The following CLSTN2 variants were observed in gnomAD, a reference collection of about 807,000 sequenced individuals.
CLSTN2 encodes calsyntenin-2.
In CLSTN2, 48 loss-of-function variants were observed where a neutral mutation model predicts 101.2. The ratio of observed to expected loss-of-function variants is 0.47; its 90% confidence interval spans 0.38 to 0.60. CLSTN2 has a LOEUF of 0.60. CLSTN2 is among the 20% of genes least tolerant of loss of function. The probability of loss-of-function intolerance (pLI) is 0.00; values close to 1 mark genes in which losing one functional copy is unlikely to be tolerated. For missense variants in CLSTN2, 1,160 were observed against 1,238.2 expected, an observed-to-expected ratio of 0.94 and a Z score of 0.95; for synonymous variants, 481 against 463.6, an observed-to-expected ratio of 1.04 and a Z score of -0.48.
intron 2 of CLSTN2, among the ~76,000 whole-genome samples, chr3:140,290,386 G>A (rs1311390177): frequency 6.6e-6 from 1 of 152,132 alleles, no homozygotes; most frequent in East Asian, 1.9e-4. Flanking sequence ...ATAGTAGGAG[G>A]AGCCCACAAT....
At chr3:140,269,542 G>A (rs886511179) in intron 2 of CLSTN2, among the ~76,000 whole-genome samples, 3 of 152,168 alleles carry the variant, frequency 2.0e-5, no homozygotes, top group Admixed American at 6.5e-5. Flanking sequence ...CAACACAAAT[G>A]TGGGACAGAG....
In CLSTN2 at chr3:140,220,862, G is replaced by A. The variant is rs531094274; in HGVS notation, c.232+44789G>A. Among the ~76,000 whole-genome samples the A allele has an allele frequency of 7.2e-5, 11 of 152,306 alleles. No homozygotes were observed. The South Asian group carries it at 2.3e-3, about 32-fold the overall frequency. On this transcript the variant is annotated intron_variant, in intron 2 of 16. Coordinates refer to ENST00000458420, the MANE Select transcript of CLSTN2 (RefSeq NM_022131.3). ...TAGATGCCTCTATGTGCCCGGGACT[G>A]TGTTCCCAGTGCTTTTGCCTACACT...
Position 140,069,626 on chromosome 3 carries a change from A to G in CLSTN2, c.110-106325A>G, listed in dbSNP as rs116132814. On this transcript the variant is annotated intron_variant, in intron 1 of 16. Coordinates refer to ENST00000458420, the MANE Select transcript of CLSTN2 (RefSeq NM_022131.3). ...CTATAGCCATGCTTGGGAGGTGTTC[A>G]TGTTGCCCTTTTACTGTGAGAAAGC... Among the ~76,000 whole-genome samples, 654 of 152,336 alleles carry G rather than the reference A, an allele frequency of 4.3e-3. 7 individuals carry two copies. The highest frequency in any genetic ancestry group is 0.015 in the African/African-American group (621 of 41,570).
intron 1 of CLSTN2, among the ~76,000 whole-genome samples, chr3:140,055,931 C>T (rs1295993221): frequency 6.6e-6 from 1 of 152,042 alleles, no homozygotes; most frequent in Non-Finnish European, 1.5e-5. Context: ...TCAGGCTGGC[C>T]CATTGAGAGT....
intron 1 of CLSTN2, among the ~76,000 whole-genome samples, chr3:140,066,325 C>T (rs1482062019): frequency 2.6e-5 from 4 of 152,196 alleles, no homozygotes; most frequent in East Asian, 1.9e-4. Flanking sequence ...ATAGCCTCCA[C>T]CATGGTGTTT....
intron 1 of CLSTN2, among the ~76,000 whole-genome samples, chr3:140,031,233 A>G (rs2007540970): frequency 1.3e-5 from 2 of 152,228 alleles, no homozygotes; most frequent in Admixed American, 6.5e-5. Flanking sequence ...CACATGCAGA[A>G]TGTGGAGGGA....
chr3:140,554,786 G>A (rs1392308119), intron 10 of CLSTN2, among the ~76,000 whole-genome samples: 4 of 152,062 alleles, frequency 2.6e-5, no homozygotes, highest in Non-Finnish European at 4.4e-5. Context: ...TCTATACAAT[G>A]GAATACACCT....
chr3:140,239,578 T>C (rs1454371652), intron 2 of CLSTN2, among the ~76,000 whole-genome samples: 1 of 152,196 alleles, frequency 6.6e-6, no homozygotes, highest in African/African-American at 2.4e-5. Flanking sequence ...CTCAATTTCG[T>C]AATCATTTTC....
chr3:139,941,906 A>G (rs1935138091), intron 1 of CLSTN2, among the ~76,000 whole-genome samples: 1 of 152,216 alleles, frequency 6.6e-6, no homozygotes, highest in African/African-American at 2.4e-5. Flanking sequence ...TGATCCTCGT[A>G]CCAACCCTAT....
chr3:140,192,257 T>C (rs1301568023), intron 2 of CLSTN2, among the ~76,000 whole-genome samples: 18 of 151,930 alleles, frequency 1.2e-4, no homozygotes. Flanking sequence ...TCAGTAGATA[T>C]TCTGTGGGCA....
chr3:140,417,062 C>T (rs1392277827), intron 4 of CLSTN2, among the ~76,000 whole-genome samples: 2 of 152,168 alleles, frequency 1.3e-5, no homozygotes, highest in East Asian at 3.8e-4. Context: ...GCCAAAGTAA[C>T]CATTATTAAC....
chr3:140,288,314 A>G (rs2086916521), intron 2 of CLSTN2, among the ~76,000 whole-genome samples: 1 of 152,178 alleles, frequency 6.6e-6, no homozygotes, highest in African/African-American at 2.4e-5. Flanking sequence ...AAAGACCTGA[A>G]GAGAATAAGT....
Position 140,459,686 on chromosome 3 carries a change from C to T in CLSTN2, c.1139C>T (p.Thr380Ile), listed in dbSNP as rs756314400. ...IVPKNLTDQF[T>I]ITMWMKHGPS... is the part of the protein sequence containing the mutation. Reference sequence around the variant, plus strand: ...CCCAAGAACCTGACCGATCAGTTCACCATCACCATGTGGATGAAACACGGC... The same window carrying T: ...CCCAAGAACCTGACCGATCAGTTCATCATCACCATGTGGATGAAACACGGC... Residue 380 changes from threonine (T) to isoleucine (I), a missense_variant, in exon 7 of 17, where the codon ACC becomes ATC. Thr to Ile is a moderately conservative substitution (Grantham distance 89). Transcript: ENST00000458420. 11 of 1,614,020 alleles carry T rather than the reference C, an allele frequency of 6.8e-6. No individual in the cohort carries two copies.
intron 1 of CLSTN2, among the ~76,000 whole-genome samples, chr3:140,029,586 G>A (rs922616102): frequency 4.6e-5 from 7 of 152,116 alleles, no homozygotes; most frequent in Non-Finnish European, 1.0e-4. Flanking sequence ...CAAACAGTTT[G>A]ACTCAATGAA....
chr3:140,144,470 G>C (rs1172593028), intron 1 of CLSTN2, among the ~76,000 whole-genome samples: 1 of 152,058 alleles, frequency 6.6e-6, no homozygotes, highest in Non-Finnish European at 1.5e-5. Context: ...ACAAAAATTA[G>C]CCGGGCATGG....
At position 140,459,669 on chromosome 3, in the gene CLSTN2, C is replaced by A. The variant is rs1315551729; in HGVS notation, c.1122C>A (p.Asn374Lys). The part of the protein sequence containing the change: ...AKVPDGIVPK[N>K]LTDQFTITMW... ...TCCCCGATGGGATTGTGCCCAAGAA[C>A]CTGACCGATCAGTTCACCATCACCA... The change falls in exon 7 of 17, where the codon AAC becomes AAA. Residue 374 changes from asparagine to lysine, a missense_variant. By Grantham distance (94) the Asn-to-Lys change is moderately conservative. Transcript: ENST00000458420. 6.2e-7 allele frequency: 1 copy of A among 1,614,130 alleles called. No individual in the cohort carries two copies. Among genetic ancestry groups the A allele is most frequent in the Non-Finnish European group, 8.5e-7 (1 of 1,180,028 alleles).
intron 1 of CLSTN2, among the ~76,000 whole-genome samples, chr3:140,097,890 C>T (rs1234550479): frequency 1.3e-5 from 2 of 152,112 alleles, no homozygotes; most frequent in Non-Finnish European, 2.9e-5. Context: ...TGTGAGTTCT[C>T]GTATTTTTGT....
chr3:140,474,313 C>A (rs1933929322), intron 8 of CLSTN2, among the ~76,000 whole-genome samples: 1 of 152,068 alleles, frequency 6.6e-6, no homozygotes, highest in Non-Finnish European at 1.5e-5. Flanking sequence ...CACAGCCCTC[C>A]CCTTCCAGCT....
At chr3:140,535,735 T>C (rs1462640924) in intron 9 of CLSTN2, among the ~76,000 whole-genome samples, 1 of 152,190 alleles carries the variant, frequency 6.6e-6, no homozygotes. Flanking sequence ...TCGTCACAAT[T>C]TGTAGATAAG....
Sources: gnomAD v4.1 joint callset for allele counts (sites outside exome capture counted in the v4.1 genomes callset) on GRCh38, gnomAD v4.1.1 for gene constraint, MANE v1.5 for transcripts, NCBI Gene and HGNC (gene_info 2026-07-23, HGNC 2026-07-21) for gene names.